Variants in SERINC2 observed in about 807,000 individuals in gnomAD.
SERINC2 encodes tumor differentially expressed protein 2.
In SERINC2, 56 loss-of-function variants were observed where a neutral mutation model predicts 54.2. The observed-to-expected ratio is 1.03, with a 90% CI of 0.83 to 1.29. SERINC2 has a LOEUF of 1.29. SERINC2 is among the 50% of genes most tolerant of loss of function. The probability of loss-of-function intolerance (pLI) is 0.00; values close to 1 mark genes in which losing one functional copy is unlikely to be tolerated. For synonymous variants in SERINC2, 272 were observed against 253.1 expected (o/e 1.07, Z -0.71); for missense variants, 614 against 607.4 (o/e 1.01, Z -0.12).
Position 31,413,395 on chromosome 1 carries a change from CT to C in SERINC2, c.39+96del. The C allele has an allele frequency of 2.8e-6, 2 of 715,082 alleles. No homozygotes were observed. Among genetic ancestry groups the C allele is most frequent in the Non-Finnish European group, 3.8e-6 (2 of 523,344 alleles). 44.3% of individuals were successfully genotyped at this position (715,082 alleles called of 1,614,324 possible). ...TCTGTTCTGCTCCGAGTAGTTTCTT[CT>C]TTTTCCTTCCTGCAAACTTGTCTTT... On this transcript the variant is annotated intron_variant, in intron 1 of 9. Transcript: ENST00000373709. The surrounding 1 kb of genome is among the most constrained non-coding windows in gnomAD (Gnocchi z 5.0).
At chr1:31,432,881 C>A in intron 8 of SERINC2, 86 bp from the exon 9 acceptor site, 1 of 1,051,794 alleles carries the variant, frequency 9.5e-7, no homozygotes, top group Non-Finnish European at 1.4e-6. Context: ...GGGTCGCTGG[C>A]CTCTGAGGCT....
chr1:31,419,509 T>C lies in SERINC2; in HGVS notation c.40-4184T>C, dbSNP rs77193602. Among the ~76,000 whole-genome samples, 868 of 152,310 alleles carry C rather than the reference T, an allele frequency of 5.7e-3. 64 individuals carry two copies. In the East Asian group the frequency reaches 0.14, roughly 24 times the overall value. ...CCGTTTTATGGAATACCATGATGTA[T>C]TGATGGGCGTTTTGTTATTTTCAAT... On this transcript the variant is annotated intron_variant, in intron 1 of 9. Coordinates refer to ENST00000373709, the MANE Select transcript of SERINC2 (RefSeq NM_178865.5).
At chr1:31,411,548 T>C (rs1270104165), upstream of SERINC2, among the ~76,000 whole-genome samples, 3 of 151,956 alleles carry the variant, frequency 2.0e-5, no homozygotes, top group Non-Finnish European at 4.4e-5. Context: ...GGGAGGCCCA[T>C]ATTGTTTGGA....
chr1:31,429,503 C>T lies in SERINC2; in HGVS notation c.978C>T (p.Gly326=). Residue 326 remains glycine (G), a synonymous_variant, in exon 8 of 10, where the codon GGC becomes GGT. Transcript: ENST00000373709. ...TQWWDAPSIV[G]LIIFLLCTLF... ...GGTGGGATGCCCCGAGCATTGTGGG[C>T]CTCATCATCTTCCTCCTGTGCACCC... The T allele has an allele frequency of 6.2e-7, 1 of 1,613,346 alleles. No individual in the cohort carries two copies. The highest frequency in any genetic ancestry group is 8.5e-7 in the Non-Finnish European group (1 of 1,179,600).
In SERINC2 at chr1:31,426,114, G is replaced by A. The variant is rs1418645247; in HGVS notation, c.610+201G>A. On this transcript the variant is annotated intron_variant, in intron 5 of 9. Coordinates refer to ENST00000373709, the MANE Select transcript of SERINC2 (RefSeq NM_178865.5). ...GATGACTTCAGGGAATCCGAGGAGAGCTGACCTGGAGAGGCCTTGGAGGGG... is the reference window on the plus strand; with the variant it reads ...GATGACTTCAGGGAATCCGAGGAGAACTGACCTGGAGAGGCCTTGGAGGGG... 8.4e-6 allele frequency: 5 copies of A among 595,520 alleles called. No individual in the cohort carries two copies. The Admixed American group carries it at 1.3e-4, about 16-fold the overall frequency. The allele number at this position is 595,520 out of a possible 1,614,324, so 36.9% of individuals were successfully genotyped here. A position where few individuals can be genotyped will look rare whatever the true frequency, so the allele number is the denominator to read the frequency against.
intron 1 of SERINC2, among the ~76,000 whole-genome samples, chr1:31,419,168 T>C (rs1265674097): frequency 2.0e-5 from 3 of 152,214 alleles, no homozygotes; most frequent in Non-Finnish European, 4.4e-5. Flanking sequence ...CTTTCCAGTC[T>C]GCCTTCCTTT....
upstream of SERINC2, among the ~76,000 whole-genome samples, chr1:31,412,270 A>C (rs1266783401): frequency 6.6e-6 from 1 of 152,108 alleles, no homozygotes; most frequent in Non-Finnish European, 1.5e-5. Flanking sequence ...ACAGAGCCCT[A>C]CTTCTGGGTC....
chr1:31,434,139 G>A lies in SERINC2; in HGVS notation c.1308G>A (p.Leu436=). 1.9e-6 allele frequency: 3 copies of A among 1,613,934 alleles called. No homozygotes were observed. The highest frequency in any genetic ancestry group is 2.5e-6 in the Non-Finnish European group (3 of 1,179,930). ...WVKICASWAG[L]LLYLWTLVAP... is the part of the protein sequence containing the mutation. ...AGATCTGTGCCAGCTGGGCAGGGCT[G>A]CTCCTCTACCTGTGGACCCTGGTAG... The change falls in exon 10 of 10, where the codon CTG becomes CTA. Residue 436 remains leucine (L), a synonymous_variant. Transcript: ENST00000373709.
chr1:31,410,525 C>T, upstream of SERINC2: 1 of 1,511,900 alleles, frequency 6.6e-7, no homozygotes, highest in Non-Finnish European at 8.8e-7. Context: ...CAGCATATTA[C>T]CTTGCTCTGG....
At chr1:31,411,817 AG>A (rs1273153115), upstream of SERINC2, among the ~76,000 whole-genome samples, 3 of 151,862 alleles carry the variant, frequency 2.0e-5, no homozygotes, top group Non-Finnish European at 2.9e-5. Context: ...GGACAACATA[AG>A]GAGACCTCAT....
chr1:31,414,046 C>T, intron 1 of SERINC2: 1 of 1,517,384 alleles, frequency 6.6e-7, no homozygotes, highest in African/African-American at 1.4e-5. Flanking sequence ...ACTTTCTTAG[C>T]TGCCCTCGAG....
chr1:31,425,298 CT>C, intron 3 of SERINC2, 31 bp from the exon 4 acceptor site: 2 of 1,524,810 alleles, frequency 1.3e-6, no homozygotes, highest in Non-Finnish European at 1.8e-6. Flanking sequence ...CTGCACTCAG[CT>C]TCCTTGTCCA....
chr1:31,418,156 G>T (rs2148513513), intron 1 of SERINC2, among the ~76,000 whole-genome samples: 1 of 152,208 alleles, frequency 6.6e-6, no homozygotes, highest in East Asian at 1.9e-4. Context: ...TCCGCACCTG[G>T]CCTCATTCCT....
At chr1:31,414,515 T>C in intron 1 of SERINC2, 1 of 996,416 alleles carries the variant, frequency 1.0e-6, no homozygotes, top group East Asian at 1.1e-4. Flanking sequence ...AGAGATTTAC[T>C]TTACAGCCTT....
At chr1:31,429,108 C>A in intron 7 of SERINC2, 40 bp downstream of exon 7, 1 of 1,545,404 alleles carries the variant, frequency 6.5e-7, no homozygotes, top group South Asian at 1.1e-5. Context: ...TGGCCTCGTT[C>A]CTGGGTCAGT....
At chr1:31,409,781 C>G, upstream of SERINC2, 1 of 1,532,302 alleles carries the variant, frequency 6.5e-7, no homozygotes, top group Non-Finnish European at 8.8e-7. Flanking sequence ...GAGGCCAGTA[C>G]AGACAGCGAA....
At chr1:31,424,537 G>T (rs1340170059) in intron 2 of SERINC2, 146 bp from the exon 3 acceptor site, 2 of 659,928 alleles carry the variant, frequency 3.0e-6, no homozygotes, top group Non-Finnish European at 5.2e-6. Context: ...TAGAGGTGAG[G>T]GGCTCCCCTC....
chr1:31,416,001 A>G, intron 1 of SERINC2: 1 of 750,922 alleles, frequency 1.3e-6, no homozygotes, highest in Non-Finnish European at 1.6e-6. Flanking sequence ...GCTGTCTGCA[A>G]AGATTTCAGG....
Position 31,432,997 on chromosome 1 carries a change from C to G in SERINC2, c.1044C>G (p.Asn348Lys), listed in dbSNP as rs782222035. 1 of 1,612,200 alleles carries G rather than the reference C, an allele frequency of 6.2e-7. No homozygotes were observed. The highest frequency in any genetic ancestry group is 8.5e-7 in the Non-Finnish European group (1 of 1,179,742). ...SLRSSDHRQV[N>K]SLMQTEECPP... is the part of the protein sequence containing the mutation. ...GCTCCTCAGACCACCGGCAGGTGAA[C>G]AGCCTGATGCAGACCGAGGAGTGCC... The change falls in exon 9 of 10, where the codon AAC (asparagine) becomes AAG (lysine). Residue 348 changes from asparagine to lysine, a missense_variant. By Grantham distance (94) the Asn-to-Lys change is moderately conservative. Transcript: ENST00000373709.
Sources: gnomAD v4.1 joint callset for allele counts (sites outside exome capture counted in the v4.1 genomes callset) on GRCh38, gnomAD v4.1.1 for gene constraint, Gnocchi (gnomAD v3.1) non-coding constraint, MANE v1.5 for transcripts, NCBI Gene and HGNC (gene_info 2026-07-23, HGNC 2026-07-21) for gene names.